Variants in RNF115 observed in about 807,000 individuals in gnomAD.
RNF115 encodes ring finger protein 115, also known as E3 ubiquitin-protein ligase RNF115.
Under a neutral mutation model 39.2 loss-of-function variants are expected in RNF115, and 31 were observed. That is an observed-to-expected ratio of 0.79 (90% CI 0.59 to 1.07). The LOEUF (loss-of-function observed/expected upper bound fraction) is 1.07. Ranked by LOEUF, RNF115 falls within the 50% of genes least tolerant of loss-of-function variation. RNF115 has a pLI of 0.00. For missense variants in RNF115, 384 were observed against 381.7 expected, an observed-to-expected ratio of 1.01 and a Z score of -0.05; for synonymous variants, 124 against 131.0, an observed-to-expected ratio of 0.95 and a Z score of 0.37.
At chr1:145,779,671 T>C (rs1553717035) in intron 3 of RNF115, among the ~76,000 whole-genome samples, 1 of 152,052 alleles carries the variant, frequency 6.6e-6, no homozygotes, top group Non-Finnish European at 1.5e-5. Context: ...GGGATATTTC[T>C]TTATTTTTTG....
intron 4 of RNF115, among the ~76,000 whole-genome samples, chr1:145,764,511 C>T (rs1293262505): frequency 6.7e-6 from 1 of 150,286 alleles, no homozygotes; most frequent in African/African-American, 2.5e-5. Flanking sequence ...AGGTGAGGAG[C>T]CCCTCCGCCC....
intron 1 of RNF115, among the ~76,000 whole-genome samples, chr1:145,797,888 C>G (rs1263725099): frequency 2.0e-5 from 3 of 152,168 alleles, no homozygotes; most frequent in African/African-American, 7.2e-5. Flanking sequence ...TTGGATCTCT[C>G]TGATGATTAG....
intron 4 of RNF115, among the ~76,000 whole-genome samples, chr1:145,762,061 C>T (rs1432319733): frequency 6.6e-6 from 1 of 152,178 alleles, no homozygotes; most frequent in Admixed American, 6.5e-5. Context: ...CCAATTTCTC[C>T]CATTTGGAAT....
chr1:145,764,550 G>T (rs1317995596), intron 4 of RNF115, among the ~76,000 whole-genome samples: 1 of 150,604 alleles, frequency 6.6e-6, no homozygotes, highest in East Asian at 2.0e-4. Flanking sequence ...GAAGTGAGGA[G>T]CCCCTCCGCC....
At position 145,816,735 on chromosome 1, in the gene RNF115, C is replaced by CTT. The variant is rs759540947; in HGVS notation, c.102+7035_102+7036dup. ...GATGATGGGTTCTTTCTTTCTTTTT[C>CTT]TTTTTCTTTTCTTTTCTTTTTTCTC... On this transcript the variant is annotated intron_variant, in intron 1 of 8. Transcript: ENST00000582693. Among the ~76,000 whole-genome samples the CTT allele has an allele frequency of 1.3e-5, 2 of 148,494 alleles. 1 individual carries two copies. Among genetic ancestry groups the CTT allele is most frequent in the Non-Finnish European group, 3.0e-5 (2 of 66,214 alleles).
intron 4 of RNF115, among the ~76,000 whole-genome samples, chr1:145,761,445 C>T (rs1264436954): frequency 6.6e-6 from 1 of 152,202 alleles, no homozygotes; most frequent in Non-Finnish European, 1.5e-5. Flanking sequence ...CCCTGTGTCC[C>T]AGTTGCTCCA....
At position 145,748,026 on chromosome 1, in the gene RNF115, T is replaced by C; in HGVS notation, c.752A>G (p.His251Arg). The C allele has an allele frequency of 6.2e-7, 1 of 1,613,690 alleles. No homozygotes were observed. The highest frequency in any genetic ancestry group is 8.5e-7 in the Non-Finnish European group (1 of 1,179,646). The change falls in exon 8 of 9, where the codon CAC becomes CGC. Residue 251 changes from histidine to arginine, a missense_variant. By Grantham distance (29) the His-to-Arg change is conservative. Transcript: ENST00000582693. ...TAGCCACGGCACAATACAACTGCTG[T>C]GAAAGAAGTGATTGCAAGGTAACTG... ...VRQLPCNHFF[H>R]SSCIVPWLEL...
rs587674989 is a variant in RNF115 at position 145,793,146 on chromosome 1, T to C, written c.103-4180A>G. ...TCAGCCTGGGCAACATAGTGAGACCTTGTCTCTACAAAAATTTAAAAATTA... is the reference window on the plus strand; with the variant it reads ...TCAGCCTGGGCAACATAGTGAGACCCTGTCTCTACAAAAATTTAAAAATTA... On this transcript the variant is annotated intron_variant, in intron 1 of 8. Coordinates refer to ENST00000582693, the MANE Select transcript of RNF115 (RefSeq NM_014455.4). Among the ~76,000 whole-genome samples, 15 of 152,192 alleles carry C rather than the reference T, an allele frequency of 9.9e-5. No homozygotes were observed. In the South Asian group the frequency reaches 2.9e-3, roughly 29 times the overall value.
chr1:145,787,869 C>G (rs1553718351), intron 2 of RNF115, among the ~76,000 whole-genome samples: 1 of 150,286 alleles, frequency 6.7e-6, no homozygotes, highest in African/African-American at 2.5e-5. Flanking sequence ...AATCTGGCAA[C>G]AGAGCAAGAC....
chr1:145,750,551 C>A (rs587756541), intron 6 of RNF115, 51 bp from the exon 7 acceptor site: 313 of 1,414,850 alleles, frequency 2.2e-4, no homozygotes, highest in South Asian at 6.0e-4. Flanking sequence ...CGCAATATCC[C>A]TGGAGAGGGA....
chr1:145,771,779 C>T lies in RNF115; in HGVS notation c.360G>A (p.Arg120=), dbSNP rs1553715799. 6.2e-7 allele frequency: 1 copy of T among 1,614,162 alleles called. No homozygotes were observed. Among genetic ancestry groups the T allele is most frequent in the East Asian group, 2.2e-5 (1 of 44,888 alleles). The change falls in exon 4 of 9, where the codon CGG becomes CGA. Residue 120 remains arginine (R), a synonymous_variant. Coordinates refer to ENST00000582693, the MANE Select transcript of RNF115 (RefSeq NM_014455.4). ...HTDFWGARPP[R]LPLGRRYRSR... ...ATCTGTATCTCCGACCCAATGGCAA[C>T]CGTGGAGGTCTTGCTCCCCAGAAGT... is the stretch of plus-strand genomic sequence containing the variant.
At chr1:145,776,148 C>T (rs1377927827) in intron 3 of RNF115, among the ~76,000 whole-genome samples, 1 of 151,270 alleles carries the variant, frequency 6.6e-6, no homozygotes, top group Non-Finnish European at 1.5e-5. Flanking sequence ...TTACATTTAC[C>T]CCTACTCTGA....
intron 1 of RNF115, among the ~76,000 whole-genome samples, chr1:145,803,930 AACATAAT>A (rs2101593421): frequency 6.6e-6 from 1 of 152,352 alleles, no homozygotes; most frequent in African/African-American, 2.4e-5. Context: ...AACCTCAGAC[AACATAAT>A]ATAGCAGAAA....
intron 8 of RNF115, 21 bp from the exon 9 acceptor site, chr1:145,747,018 T>G (rs1553711832): frequency 1.2e-6 from 2 of 1,601,922 alleles, no homozygotes; most frequent in African/African-American, 2.7e-5. Context: ...AAAATATTAG[T>G]CTATGTGAAG....
intron 1 of RNF115, among the ~76,000 whole-genome samples, chr1:145,804,319 C>T (rs1371394097): frequency 6.6e-6 from 1 of 152,140 alleles, no homozygotes; most frequent in Non-Finnish European, 1.5e-5. Flanking sequence ...ATAAAATGAA[C>T]TTCTGAATAT....
intron 1 of RNF115, among the ~76,000 whole-genome samples, chr1:145,819,290 A>C (rs1469275477): frequency 4.2e-5 from 6 of 143,040 alleles, no homozygotes; most frequent in African/African-American, 8.2e-5. Context: ...AAAAAAAAAA[A>C]AAAAAAAAAA....
chr1:145,780,081 A>G (rs1553717096), intron 3 of RNF115, among the ~76,000 whole-genome samples: 1 of 151,980 alleles, frequency 6.6e-6, no homozygotes, highest in Non-Finnish European at 1.5e-5. Flanking sequence ...TACAAAAATT[A>G]GCCAGGTTTG....
chr1:145,787,001 A>ATAG (rs767084607), intron 2 of RNF115: 2 of 1,195,004 alleles, frequency 1.7e-6, no homozygotes, highest in Non-Finnish European at 2.2e-6. Flanking sequence ...AGTAAAACTA[A>ATAG]TAGTACATAC....
At chr1:145,798,003 T>G (rs1559126171) in intron 1 of RNF115, among the ~76,000 whole-genome samples, 1 of 152,162 alleles carries the variant, frequency 6.6e-6, no homozygotes, top group East Asian at 1.9e-4. Context: ...TTATTTGATT[T>G]TTTGTTGTTG....
Sources: gnomAD v4.1 joint callset for allele counts (sites outside exome capture counted in the v4.1 genomes callset) on GRCh38, gnomAD v4.1.1 for gene constraint, MANE v1.5 for transcripts, NCBI Gene and HGNC (gene_info 2026-07-23, HGNC 2026-07-21) for gene names.